TMOD2: variants seen among roughly 807,000 people sequenced by gnomAD.
TMOD2 encodes the protein tropomodulin 2.
TMOD2 carries 22 observed loss-of-function variants against 39.9 expected under a neutral mutation model. That is an observed-to-expected ratio of 0.55 (90% CI 0.39 to 0.79). The LOEUF (loss-of-function observed/expected upper bound fraction) is 0.79. TMOD2 is among the 30% of genes least tolerant of loss of function. TMOD2 has a pLI of 0.00. For missense variants in TMOD2, 386 were observed against 413.3 expected, an observed-to-expected ratio of 0.93 and a Z score of 0.57; for synonymous variants, 123 against 146.1, an observed-to-expected ratio of 0.84 and a Z score of 1.14.
intron 7 of TMOD2, among the ~76,000 whole-genome samples, chr15:51,793,431 A>G (rs1210662522): frequency 1.3e-5 from 2 of 152,166 alleles, no homozygotes; most frequent in Middle Eastern, 3.2e-3. Context: ...TTCAAATCAG[A>G]CTAACCAGTT....
At chr15:51,785,843 C>T (rs1361799642) in intron 7 of TMOD2, among the ~76,000 whole-genome samples, 1 of 152,006 alleles carries the variant, frequency 6.6e-6, no homozygotes, top group Non-Finnish European at 1.5e-5. Flanking sequence ...ATGGCTATTC[C>T]AATTACTCCA....
rs565886986 is a variant in TMOD2, at chr15:51,771,678, A to G, written c.284-2034A>G. 6.4e-4 allele frequency among the ~76,000 whole-genome samples: 97 copies of G among 152,298 alleles called. 1 individual carries two copies. The highest frequency in any genetic ancestry group is 3.7e-3 in the South Asian group (18 of 4,832). On this transcript the variant is annotated intron_variant, in intron 3 of 9. Coordinates refer to ENST00000249700, the MANE Select transcript of TMOD2 (RefSeq NM_014548.4). Reference sequence around the variant, plus strand: ...AGACCCTGTCTTTAAAAACAAAGAAAGAAAGAAAGAAATCTTATTTTGACT... The same window carrying G: ...AGACCCTGTCTTTAAAAACAAAGAAGGAAAGAAAGAAATCTTATTTTGACT...
chr15:51,809,959 G>GT lies in TMOD2; in HGVS notation c.*1506dup, dbSNP rs938794031. The GT allele has an allele frequency of 1.3e-5, 2 of 152,232 alleles. No individual in the cohort carries two copies. Among genetic ancestry groups the GT allele is most frequent in the African/African-American group, 2.4e-5 (1 of 41,512 alleles). The allele number at this position is 152,232 out of a possible 1,614,324, so 9.4% of individuals were successfully genotyped here. ...GTAAAATTGAACATTTACCTGTATTGTAAGTACCCACATCTGTGTCTCTGA... is the reference window on the plus strand; with the variant it reads ...GTAAAATTGAACATTTACCTGTATTGTTAAGTACCCACATCTGTGTCTCTGA... On this transcript the variant is annotated 3_prime_UTR_variant, in exon 10 of 10. Coordinates refer to ENST00000249700, the MANE Select transcript of TMOD2 (RefSeq NM_014548.4).
chr15:51,793,150 G>C (rs2056024349), intron 7 of TMOD2, among the ~76,000 whole-genome samples: 3 of 151,848 alleles, frequency 2.0e-5, no homozygotes, highest in African/African-American at 7.3e-5. Context: ...GACTTACAAT[G>C]GGGTTATGTC....
At chr15:51,783,991 T>C (rs924520535) in intron 7 of TMOD2, 8 of 152,238 alleles carry the variant, frequency 5.3e-5, no homozygotes, top group African/African-American at 1.9e-4. Context: ...AGCACTGATC[T>C]TCGTGCTTTC....
rs530431710 is a variant in TMOD2 at position 51,812,770 on chromosome 15, C to T, written c.*4316C>T. On this transcript the variant is annotated 3_prime_UTR_variant, in exon 10 of 10. Transcript: ENST00000249700. ...TTTTAAGTCATGATCCTGAAGCTTC[C>T]TTCCCCTCTTCCACTAATGATGCAA... The T allele has an allele frequency of 2.0e-5, 3 of 152,272 alleles. No homozygotes were observed. The highest frequency in any genetic ancestry group is 1.3e-4 in the Admixed American group (2 of 15,298). 9.4% of individuals were successfully genotyped at this position (152,272 alleles called of 1,614,324 possible). A position where few individuals can be genotyped will look rare whatever the true frequency, so the allele number is the denominator to read the frequency against.
rs1183131420 is a variant in TMOD2 at position 51,795,597 on chromosome 15, T to G, written c.733-2600T>G. ...TGCTTGCTTTCTTTCTTTCTTTCTT[T>G]CTTTCTTTCTTTCTTTCTTTCTTTC... On this transcript the variant is annotated intron_variant, in intron 7 of 9. Transcript: ENST00000249700. Among the ~76,000 whole-genome samples, 63 of 108,330 alleles carry G rather than the reference T, an allele frequency of 5.8e-4. 2 individuals are homozygous for G. The highest frequency in any genetic ancestry group is 3.4e-3 in the Admixed American group (37 of 11,002). 71.1% of individuals were successfully genotyped at this position (108,330 alleles called of 152,430 possible).
intron 4 of TMOD2, among the ~76,000 whole-genome samples, chr15:51,775,535 C>T (rs1366377563): frequency 2.0e-5 from 3 of 151,622 alleles, no homozygotes; most frequent in Non-Finnish European, 2.9e-5. Flanking sequence ...CTTCTCCTGT[C>T]CCCTTCACAG....
chr15:51,753,136 A>AT (rs2055718782), intron 1 of TMOD2, among the ~76,000 whole-genome samples: 4 of 152,226 alleles, frequency 2.6e-5, no homozygotes, highest in Admixed American at 2.0e-4. Context: ...TGAAAAAGAA[A>AT]TATGCAATAG....
At chr15:51,805,019 C>T (rs939956674) in intron 8 of TMOD2, among the ~76,000 whole-genome samples, 3 of 151,898 alleles carry the variant, frequency 2.0e-5, no homozygotes, top group African/African-American at 7.3e-5. Context: ...AGTGCAGTGG[C>T]GCGATCTTGG....
intron 7 of TMOD2, among the ~76,000 whole-genome samples, chr15:51,795,080 C>T (rs148501210): frequency 1.3e-5 from 2 of 152,210 alleles, no homozygotes; most frequent in East Asian, 3.9e-4. Context: ...ATTTTTAGTA[C>T]TCTCTTTCCT....
chr15:51,763,868 A>G (rs1194594026), intron 1 of TMOD2, among the ~76,000 whole-genome samples: 2 of 152,236 alleles, frequency 1.3e-5, no homozygotes, highest in Admixed American at 6.5e-5. Flanking sequence ...TCAGAATGTT[A>G]AATGTGGCAA....
rs148203663 is a variant in TMOD2, at chr15:51,764,440, C to G, written c.-69-1933C>G. 9.5e-3 allele frequency among the ~76,000 whole-genome samples: 1,451 copies of G among 152,290 alleles called. 22 individuals are homozygous for G. The highest frequency in any genetic ancestry group is 0.034 in the African/African-American group (1,398 of 41,542). On this transcript the variant is annotated intron_variant, in intron 1 of 9. Coordinates refer to ENST00000249700, the MANE Select transcript of TMOD2 (RefSeq NM_014548.4). ...CGTTGAATTCACAAAGGAAAGGGAA[C>G]ACTATTCCAATAGCCCTTAAGAGGC... is the stretch of plus-strand genomic sequence containing the variant.
At chr15:51,756,015 G>T (rs560648271) in intron 1 of TMOD2, among the ~76,000 whole-genome samples, 1 of 152,118 alleles carries the variant, frequency 6.6e-6, no homozygotes, top group African/African-American at 2.4e-5. Flanking sequence ...CCAGAAAGGC[G>T]CAGATCTCCA....
At chr15:51,795,428 C>CA (rs35847443) in intron 7 of TMOD2, among the ~76,000 whole-genome samples, 23,946 of 104,220 alleles carry the variant, frequency 0.23, 2,453 homozygotes, top group East Asian at 0.56. Context: ...GACTTTGTCT[C>CA]AAAAAAAAAA....
At chr15:51,760,688 C>T (rs901282702) in intron 1 of TMOD2, among the ~76,000 whole-genome samples, 1 of 151,944 alleles carries the variant, frequency 6.6e-6, no homozygotes, top group African/African-American at 2.4e-5. Context: ...TGCCTGTAAT[C>T]GCAGCTACTC....
chr15:51,803,513 G>A (rs1390670130), intron 8 of TMOD2, among the ~76,000 whole-genome samples: 6 of 152,084 alleles, frequency 3.9e-5, no homozygotes, highest in African/African-American at 1.2e-4. Context: ...ATTCATTCCA[G>A]ATGAAATGAA....
rs563833618 is a variant in TMOD2 at position 51,785,272 on chromosome 15, C to T, written c.732+2444C>T. ...CTAAAAATACAAAAAATTAGCCGGGCGCGGTGGCGGGCGCCTGTAGTCCCA... is the reference window on the plus strand; with the variant it reads ...CTAAAAATACAAAAAATTAGCCGGGTGCGGTGGCGGGCGCCTGTAGTCCCA... On this transcript the variant is annotated intron_variant, in intron 7 of 9. Coordinates refer to ENST00000249700, the MANE Select transcript of TMOD2 (RefSeq NM_014548.4). 6.6e-5 allele frequency among the ~76,000 whole-genome samples: 10 copies of T among 151,842 alleles called. No individual in the cohort carries two copies. The East Asian group carries it at 1.6e-3, about 24-fold the overall frequency.
At chr15:51,796,510 A>G (rs1303067860) in intron 7 of TMOD2, among the ~76,000 whole-genome samples, 2 of 152,258 alleles carry the variant, frequency 1.3e-5, no homozygotes, top group Admixed American at 1.3e-4. Context: ...TTCAATGTAT[A>G]GTAGTCCCCT....
Sources: gnomAD v4.1 joint callset for allele counts (sites outside exome capture counted in the v4.1 genomes callset) on GRCh38, gnomAD v4.1.1 for gene constraint, MANE v1.5 for transcripts, NCBI Gene and HGNC (gene_info 2026-07-23, HGNC 2026-07-21) for gene names.